Variants in PEX13 observed in about 807,000 individuals in gnomAD.
PEX13 encodes the protein peroxisomal biogenesis factor 13.
In PEX13, 28 loss-of-function variants were observed where a neutral mutation model predicts 34.5. The ratio of observed to expected loss-of-function variants is 0.81; its 90% CI spans 0.60 to 1.11. The LOEUF is 1.11. PEX13 is among the 50% of genes most tolerant of loss of function. The pLI, the probability that PEX13 is intolerant of heterozygous loss-of-function variation, is 0.00. For missense variants in PEX13, 550 were observed against 491.0 expected (o/e 1.12, Z -1.13); for synonymous variants, 177 against 175.1 (o/e 1.01, Z -0.09).
intron 2 of PEX13, among the ~76,000 whole-genome samples, chr2:61,037,231 G>A (rs1680550894): frequency 6.6e-6 from 1 of 152,104 alleles, no homozygotes; most frequent in South Asian, 2.1e-4. Flanking sequence ...GGTTAACAAG[G>A]ATATCCAGGA....
intron 1 of PEX13, chr2:61,019,078 T>C (rs929898967): frequency 3.3e-5 from 5 of 152,340 alleles, no homozygotes; most frequent in African/African-American, 1.2e-4. Context: ...CCCATTCTTC[T>C]TTATAGTGGT....
At chr2:61,023,133 T>G (rs886071210) in intron 1 of PEX13, among the ~76,000 whole-genome samples, 4 of 152,010 alleles carry the variant, frequency 2.6e-5, no homozygotes, top group African/African-American at 9.7e-5. Flanking sequence ...GCCTCCTGAG[T>G]AGCTGGGACT....
intron 2 of PEX13, among the ~76,000 whole-genome samples, chr2:61,040,225 T>C (rs907855516): frequency 6.6e-6 from 1 of 152,132 alleles, no homozygotes; most frequent in African/African-American, 2.4e-5. Context: ...GACCCAGTGA[T>C]CCCTTACTGG....
chr2:61,025,358 C>T (rs556156976), intron 1 of PEX13, among the ~76,000 whole-genome samples: 79 of 143,392 alleles, frequency 5.5e-4, no homozygotes, highest in East Asian at 1.5e-3. Context: ...TTATTATTAT[C>T]ATTATTATTA....
chr2:61,048,331 T>C (rs1327955145), intron 3 of PEX13, 141 bp from the exon 4 acceptor site: 5 of 705,186 alleles, frequency 7.1e-6, no homozygotes, highest in Non-Finnish European at 1.2e-5. Context: ...CAGCATTTGA[T>C]TTTGAATATA....
chr2:61,048,135 T>C (rs935248511), intron 3 of PEX13, among the ~76,000 whole-genome samples: 1 of 152,182 alleles, frequency 6.6e-6, no homozygotes, highest in African/African-American at 2.4e-5. Flanking sequence ...AGATATTCAT[T>C]TTTTAGACTC....
chr2:61,038,835 A>G (rs12713432), intron 2 of PEX13, among the ~76,000 whole-genome samples: 37,159 of 152,114 alleles, frequency 0.24, 4,778 homozygotes, highest in Middle Eastern at 0.35. Context: ...TGCAGATGAC[A>G]TGGTTGTATA....
intron 2 of PEX13, among the ~76,000 whole-genome samples, chr2:61,033,789 A>G (rs1044802842): frequency 6.6e-6 from 1 of 152,166 alleles, no homozygotes; most frequent in Non-Finnish European, 1.5e-5. Flanking sequence ...ATGTAGAGGT[A>G]TGTAAGTGGC....
chr2:61,040,377 A>T (rs1680601925), intron 2 of PEX13, among the ~76,000 whole-genome samples: 1 of 152,202 alleles, frequency 6.6e-6, no homozygotes, highest in Non-Finnish European at 1.5e-5. Flanking sequence ...AAAATGTGGC[A>T]CATATACACC....
In PEX13 at chr2:61,050,582, A is replaced by C. The variant is rs1378992204; in HGVS notation, c.*1812A>C. 6.6e-6 allele frequency: 1 copy of C among 152,188 alleles called. No individual in the cohort carries two copies. Among genetic ancestry groups the C allele is most frequent in the Non-Finnish European group, 1.5e-5 (1 of 67,998 alleles). 9.4% of individuals were successfully genotyped at this position (152,188 alleles called of 1,614,324 possible). On this transcript the variant is annotated 3_prime_UTR_variant, in exon 4 of 4. Transcript: ENST00000295030. ...AATACATTTATAGATATTGTTGAAAACTTTGAACTGTTTGATAAAAATTGT... is the reference window on the plus strand; with the variant it reads ...AATACATTTATAGATATTGTTGAAACCTTTGAACTGTTTGATAAAAATTGT...
chr2:61,027,186 A>T (rs1432470917), intron 1 of PEX13, among the ~76,000 whole-genome samples: 1 of 151,682 alleles, frequency 6.6e-6, no homozygotes, highest in African/African-American at 2.4e-5. Flanking sequence ...GAAAAAAAAA[A>T]AAAAAGGCAG....
chr2:61,018,099 T>A, intron 1 of PEX13: 6 of 1,543,304 alleles, frequency 3.9e-6, no homozygotes, highest in Non-Finnish European at 5.2e-6. Context: ...TCTCTCTGGG[T>A]CTCTGTGCTT....
intron 2 of PEX13, among the ~76,000 whole-genome samples, chr2:61,042,160 A>G (rs1423966989): frequency 6.6e-6 from 1 of 152,250 alleles, no homozygotes; most frequent in African/African-American, 2.4e-5. Context: ...TGAAAATTAT[A>G]TAGAATTCAA....
At chr2:61,024,082 C>G (rs1366338444) in intron 1 of PEX13, among the ~76,000 whole-genome samples, 1 of 152,176 alleles carries the variant, frequency 6.6e-6, no homozygotes, top group Non-Finnish European at 1.5e-5. Context: ...CAGGCATGAG[C>G]CACCACTCCC....
chr2:61,038,047 T>G (rs1405831676), intron 2 of PEX13, among the ~76,000 whole-genome samples: 1 of 152,118 alleles, frequency 6.6e-6, no homozygotes, highest in Non-Finnish European at 1.5e-5. Flanking sequence ...CTCCCAAGAC[T>G]AAACCAAGAA....
intron 3 of PEX13, among the ~76,000 whole-genome samples, chr2:61,046,936 A>G (rs1241417400): frequency 6.6e-6 from 1 of 152,198 alleles, no homozygotes; most frequent in Middle Eastern, 3.2e-3. Flanking sequence ...CAAAAAACCT[A>G]GACTTAAGCG....
At chr2:61,028,680 C>A (rs1489531030) in intron 1 of PEX13, among the ~76,000 whole-genome samples, 1 of 149,416 alleles carries the variant, frequency 6.7e-6, no homozygotes. Context: ...AGCCACCATG[C>A]CTGGGCTGGG....
In PEX13 at chr2:61,031,667, C is replaced by T. The variant is rs1468958688; in HGVS notation, c.341C>T (p.Pro114Leu). 1.2e-6 allele frequency: 2 copies of T among 1,613,832 alleles called. No homozygotes were observed. The highest frequency in any genetic ancestry group is 2.7e-5 in the African/African-American group (2 of 74,826). Residue 114 changes from proline (P) to leucine (L), a missense_variant, in exon 2 of 4, where the codon CCA (proline) becomes CTA (leucine). Pro to Leu is a moderately conservative substitution (Grantham distance 98, BLOSUM62 -3). Coordinates refer to ENST00000295030, the MANE Select transcript of PEX13 (RefSeq NM_002618.4). ...AACCGCCTCCGTGTAGATGATCTTC[C>T]ACCCAGTAGATTTGTTCAGCAAGCT... ...GYNRLRVDDL[P>L]PSRFVQQAEE... is the part of the protein sequence containing the mutation.
In PEX13 at chr2:61,017,855, A is replaced by C; in HGVS notation, c.92+4A>C. ...CAGGACCGGGCCCCACTTTCCAGTGAGTGTGGGATTCTTCAGGCTGTGAGT... is the reference window on the plus strand; with the variant it reads ...CAGGACCGGGCCCCACTTTCCAGTGCGTGTGGGATTCTTCAGGCTGTGAGT... On this transcript the variant is annotated splice_donor_region_variant and intron_variant, in intron 1 of 3. Coordinates refer to ENST00000295030, the MANE Select transcript of PEX13 (RefSeq NM_002618.4). 1 of 1,550,208 alleles carries C rather than the reference A, an allele frequency of 6.5e-7. No individual in the cohort carries two copies. Among genetic ancestry groups the C allele is most frequent in the Non-Finnish European group, 8.7e-7 (1 of 1,146,596 alleles).
Sources: gnomAD v4.1 joint callset for allele counts (sites outside exome capture counted in the v4.1 genomes callset) on GRCh38, gnomAD v4.1.1 for gene constraint, MANE v1.5 for transcripts, NCBI Gene and HGNC (gene_info 2026-07-23, HGNC 2026-07-21) for gene names.